PDE11A: variants seen among roughly 807,000 people sequenced by gnomAD.
The protein encoded by PDE11A is dual 3',5'-cyclic-AMP and -GMP phosphodiesterase 11A.
PDE11A carries 100 observed loss-of-function variants against 100.5 expected under a neutral mutation model. The observed-to-expected ratio is 1.00, with a 90% CI of 0.85 to 1.18. PDE11A has a LOEUF of 1.18. PDE11A is among the 50% of genes most tolerant of loss of function. The pLI is 0.00. For missense variants in PDE11A, 1,141 were observed against 1,152.6 expected, an observed-to-expected ratio of 0.99 and a Z score of 0.15; for synonymous variants, 381 against 420.8, an observed-to-expected ratio of 0.91 and a Z score of 1.16.
chr2:177,877,082 C>T (rs1339373514), intron 4 of PDE11A, among the ~76,000 whole-genome samples: 1 of 147,262 alleles, frequency 6.8e-6, no homozygotes. Flanking sequence ...GCCCAAAGAA[C>T]AGACAATGAC....
At chr2:177,997,905 C>T in intron 2 of PDE11A, 1 of 1,348,018 alleles carries the variant, frequency 7.4e-7, no homozygotes, top group Non-Finnish European at 1.1e-6. Context: ...TCTCCACCAA[C>T]AATTTCAATA....
At chr2:177,637,752 T>C (rs2080062538) in intron 19 of PDE11A, among the ~76,000 whole-genome samples, 1 of 151,004 alleles carries the variant, frequency 6.6e-6, no homozygotes, top group Non-Finnish European at 1.5e-5. Context: ...ATTTAGCCAT[T>C]GGCATTGTCT....
chr2:178,076,981 C>T (rs904109580), upstream of PDE11A, among the ~76,000 whole-genome samples: 2 of 36,190 alleles, frequency 5.5e-5, no homozygotes, highest in Admixed American at 7.4e-4. Flanking sequence ...GCTTCTGTCT[C>T]CAGCAGGATA....
chr2:177,732,713 A>T (rs2081711198), intron 10 of PDE11A, among the ~76,000 whole-genome samples: 1 of 152,236 alleles, frequency 6.6e-6, no homozygotes, highest in Non-Finnish European at 1.5e-5. Context: ...AAAATGTAAA[A>T]TGACCTCTGG....
chr2:177,724,489 C>G (rs2081572192), intron 12 of PDE11A, among the ~76,000 whole-genome samples: 1 of 152,034 alleles, frequency 6.6e-6, no homozygotes, highest in East Asian at 1.9e-4. Context: ...ATTTGCTTGT[C>G]CTGTTGTACG....
At chr2:177,993,238 C>T (rs2105811551) in intron 2 of PDE11A, among the ~76,000 whole-genome samples, 1 of 152,294 alleles carries the variant, frequency 6.6e-6, no homozygotes. Context: ...CATTTGAAGG[C>T]ACAGATTCAA....
intron 2 of PDE11A, among the ~76,000 whole-genome samples, chr2:177,967,795 G>A (rs767968864): frequency 9.2e-5 from 14 of 151,842 alleles, no homozygotes; most frequent in African/African-American, 2.2e-4. Context: ...TGTGCTAAGC[G>A]GTTTATCTGC....
At chr2:177,870,400 G>A (rs2084110446) in intron 5 of PDE11A, among the ~76,000 whole-genome samples, 1 of 152,120 alleles carries the variant, frequency 6.6e-6, no homozygotes, top group East Asian at 1.9e-4. Flanking sequence ...TACCAACAAC[G>A]TACAATACAC....
intron 9 of PDE11A, among the ~76,000 whole-genome samples, chr2:177,785,467 C>T (rs77007184): frequency 7.2e-5 from 11 of 152,152 alleles, no homozygotes; most frequent in Admixed American, 2.0e-4. Context: ...ACGCAGAAGA[C>T]GGGTGATTTC....
At chr2:177,821,597 T>C (rs1318696417) in intron 6 of PDE11A, among the ~76,000 whole-genome samples, 1 of 151,798 alleles carries the variant, frequency 6.6e-6, no homozygotes, top group Non-Finnish European at 1.5e-5. Context: ...TGTATGAGAG[T>C]TCCAGTTGAT....
intron 1 of PDE11A, among the ~76,000 whole-genome samples, chr2:178,050,941 T>C (rs1040498168): frequency 2.6e-5 from 4 of 152,216 alleles, no homozygotes; most frequent in Non-Finnish European, 5.9e-5. Flanking sequence ...CTTTAGGATA[T>C]TATGCAGGAG....
chr2:177,688,268 T>A (rs2080985677), intron 15 of PDE11A: 1 of 152,238 alleles, frequency 6.6e-6, no homozygotes, highest in Non-Finnish European at 1.5e-5. Context: ...GCAGATTGCT[T>A]GTGCCAGGTT....
intron 12 of PDE11A, among the ~76,000 whole-genome samples, chr2:177,713,834 C>A (rs899961098): frequency 1.3e-5 from 2 of 151,978 alleles, no homozygotes; most frequent in African/African-American, 4.8e-5. Flanking sequence ...TTATTACCTG[C>A]AGTAACTAAA....
chr2:177,899,883 C>T (rs2084670829), intron 3 of PDE11A, among the ~76,000 whole-genome samples: 1 of 151,078 alleles, frequency 6.6e-6, no homozygotes, highest in Non-Finnish European at 1.5e-5. Flanking sequence ...ATTTATATAT[C>T]AGGAAAGAAA....
chr2:177,705,584 T>G (rs1368700277), intron 13 of PDE11A, among the ~76,000 whole-genome samples: 1 of 152,234 alleles, frequency 6.6e-6, no homozygotes, highest in Non-Finnish European at 1.5e-5. Flanking sequence ...TTTGGCACTT[T>G]GCACAGGCAC....
chr2:178,011,287 T>C (rs1457990508), intron 2 of PDE11A, among the ~76,000 whole-genome samples: 2 of 152,150 alleles, frequency 1.3e-5, no homozygotes, highest in East Asian at 3.9e-4. Flanking sequence ...GTGGCGGTCA[T>C]TGACCAAATC....
intron 4 of PDE11A, among the ~76,000 whole-genome samples, chr2:177,877,170 CTT>C (rs34383497): frequency 1.2e-4 from 16 of 138,384 alleles, no homozygotes; most frequent in East Asian, 6.0e-4. Context: ...CAAAGGTTAT[CTT>C]TTTTTTTTTT....
At chr2:177,972,185 A>G (rs1474249635) in intron 2 of PDE11A, among the ~76,000 whole-genome samples, 1 of 152,248 alleles carries the variant, frequency 6.6e-6, no homozygotes, top group Non-Finnish European at 1.5e-5. Flanking sequence ...CACTTAAAAA[A>G]TGTAGACCAT....
intron 1 of PDE11A, among the ~76,000 whole-genome samples, chr2:178,107,070 T>C (rs1404592534): frequency 6.6e-6 from 1 of 152,072 alleles, no homozygotes; most frequent in African/African-American, 2.4e-5. Context: ...AAACTGTCCT[T>C]ACTCATAAAC....
Sources: gnomAD v4.1 joint callset for allele counts (sites outside exome capture counted in the v4.1 genomes callset) on GRCh38, gnomAD v4.1.1 for gene constraint, MANE v1.5 for transcripts, NCBI Gene and HGNC (gene_info 2026-07-23, HGNC 2026-07-21) for gene names.